DNAJC24: variants seen among roughly 807,000 people sequenced by gnomAD.
The protein encoded by DNAJC24 is dnaJ homolog subfamily C member 24.
DNAJC24 carries 17 observed loss-of-function variants against 18.0 expected under a neutral mutation model. The ratio of observed to expected loss-of-function variants is 0.94; its 90% CI spans 0.65 to 1.42. The LOEUF is 1.42. DNAJC24 is among the 40% of genes most tolerant of loss of function. The pLI is 0.00. For synonymous variants in DNAJC24, 55 were observed against 57.7 expected (o/e 0.95, Z 0.21); for missense variants, 158 against 175.6 (o/e 0.90, Z 0.57).
chr11:31,418,007 A>G (rs758634359), intron 3 of DNAJC24, among the ~76,000 whole-genome samples: 3 of 152,068 alleles, frequency 2.0e-5, no homozygotes, highest in Non-Finnish European at 2.9e-5. Flanking sequence ...CTATATGCTT[A>G]GTTGACATTT....
At chr11:31,377,443 T>A (rs1467395985) in intron 2 of DNAJC24, among the ~76,000 whole-genome samples, 1 of 152,092 alleles carries the variant, frequency 6.6e-6, no homozygotes, top group Non-Finnish European at 1.5e-5. Flanking sequence ...ATTATAGACA[T>A]ACATATTGGC....
intron 2 of DNAJC24, among the ~76,000 whole-genome samples, chr11:31,378,897 T>C (rs1952346656): frequency 6.6e-6 from 1 of 152,112 alleles, no homozygotes; most frequent in African/African-American, 2.4e-5. Context: ...CCCCAATTCT[T>C]GAGGAATGTA....
chr11:31,426,107 T>C (rs1208363309), intron 3 of DNAJC24, among the ~76,000 whole-genome samples, 180 bp from the exon 4 acceptor site: 1 of 152,216 alleles, frequency 6.6e-6, no homozygotes, highest in Non-Finnish European at 1.5e-5. Context: ...GTTCTAGATT[T>C]TTCAGTCAGC....
At chr11:31,417,129 C>G (rs1482893818) in intron 3 of DNAJC24, 1 of 151,942 alleles carries the variant, frequency 6.6e-6, no homozygotes, top group Non-Finnish European at 1.5e-5. Flanking sequence ...GACAGCTTTT[C>G]ATGACACTTT....
At position 31,396,298 on chromosome 11, in the gene DNAJC24, G is replaced by T. The variant is rs546376296; in HGVS notation, c.112-18513G>T. On this transcript the variant is annotated intron_variant, in intron 2 of 4. Coordinates refer to ENST00000465995, the MANE Select transcript of DNAJC24 (RefSeq NM_181706.5). ...TCTTTTCCAGGATCTATTCCTCTAT[G>T]TGATATAAATGTCACTGTGCTTCTG... 8.8e-5 allele frequency: 40 copies of T among 454,524 alleles called. No homozygotes were observed. The East Asian group carries it at 2.7e-3, about 31-fold the overall frequency. The allele number at this position is 454,524 out of a possible 1,614,324, so 28.2% of individuals were successfully genotyped here.
At chr11:31,375,776 A>G (rs1952307618) in intron 2 of DNAJC24, among the ~76,000 whole-genome samples, 1 of 135,406 alleles carries the variant, frequency 7.4e-6, no homozygotes, top group Admixed American at 7.5e-5. Flanking sequence ...GAAGTAGAAG[A>G]CAAAGTTATC....
chr11:31,421,317 T>C (rs946516347), intron 3 of DNAJC24, among the ~76,000 whole-genome samples: 5 of 152,204 alleles, frequency 3.3e-5, no homozygotes, highest in Non-Finnish European at 1.5e-5. Context: ...GATACTGAAT[T>C]AGACCTAAAG....
intron 2 of DNAJC24, among the ~76,000 whole-genome samples, chr11:31,397,388 AG>A (rs1210327787): frequency 3.3e-5 from 5 of 152,214 alleles, no homozygotes; most frequent in Non-Finnish European, 7.4e-5. Context: ...CTTGCATAAA[AG>A]ATCAATGAAT....
chr11:31,373,982 A>T (rs1335867288), intron 2 of DNAJC24: 1 of 238,542 alleles, frequency 4.2e-6, no homozygotes, highest in African/African-American at 2.2e-5. Flanking sequence ...TAATTTTCAT[A>T]GCTATTTTTG....
intron 2 of DNAJC24, among the ~76,000 whole-genome samples, chr11:31,394,336 A>G (rs1298377984): frequency 6.6e-6 from 1 of 152,180 alleles, no homozygotes; most frequent in Non-Finnish European, 1.5e-5. Flanking sequence ...ATGTCAAGTG[A>G]CTCAAGTTTT....
chr11:31,390,603 G>A (rs1363493906), intron 2 of DNAJC24, among the ~76,000 whole-genome samples: 1 of 151,060 alleles, frequency 6.6e-6, no homozygotes. Context: ...CTACATGGGA[G>A]GCTGAGGCAG....
intron 2 of DNAJC24, among the ~76,000 whole-genome samples, chr11:31,406,052 A>G (rs1309929788): frequency 6.7e-6 from 1 of 149,518 alleles, no homozygotes; most frequent in Non-Finnish European, 1.5e-5. Flanking sequence ...GAAATTTAAC[A>G]TGAGTTTTGG....
chr11:31,423,992 T>C (rs1223556619), intron 3 of DNAJC24, among the ~76,000 whole-genome samples: 3 of 152,130 alleles, frequency 2.0e-5, no homozygotes, highest in African/African-American at 4.8e-5. Context: ...AGCCACTTTT[T>C]TGAGTAAGTA....
rs1000401802 is a variant in DNAJC24, at chr11:31,379,477, C to T, written c.111+8618C>T. Among the ~76,000 whole-genome samples, 3 of 152,290 alleles carry T rather than the reference C, an allele frequency of 2.0e-5. No individual in the cohort carries two copies. In the Middle Eastern group the frequency reaches 0.01, roughly 518 times the overall value. The stretch of plus-strand genomic sequence containing the variant: ...CAAAAAGGTTGGGGACCGCTGCTCT[C>T]GCTGACCCACCAAGTCTGAGAATTT... On this transcript the variant is annotated intron_variant, in intron 2 of 4. Coordinates refer to ENST00000465995, the MANE Select transcript of DNAJC24 (RefSeq NM_181706.5).
intron 3 of DNAJC24, chr11:31,422,077 T>C (rs1357181440): frequency 1.7e-5 from 6 of 342,958 alleles, no homozygotes; most frequent in East Asian, 2.0e-4. Flanking sequence ...ACAAATCCAA[T>C]AGAACACAAG....
rs1352331161 is a variant in DNAJC24 at position 31,369,895 on chromosome 11, G to A, written c.-51G>A. ...GACAGCAGGCGAGGAGTGGGTAGCA[G>A]CGCCTATGTGAAGTTAGGTAGGTCT... On this transcript the variant is annotated 5_prime_UTR_variant, in exon 1 of 5. Coordinates refer to ENST00000465995, the MANE Select transcript of DNAJC24 (RefSeq NM_181706.5). 6.5e-6 allele frequency: 1 copy of A among 152,678 alleles called. No homozygotes were observed. The highest frequency in any genetic ancestry group is 1.5e-5 in the Non-Finnish European group (1 of 68,096). 9.5% of individuals were successfully genotyped at this position (152,678 alleles called of 1,614,324 possible). A position where few individuals can be genotyped will look rare whatever the true frequency, so the allele number is the denominator to read the frequency against.
At chr11:31,427,600 TACAC>T (rs1438008797) in intron 4 of DNAJC24, 1 of 152,122 alleles carries the variant, frequency 6.6e-6, no homozygotes, top group Non-Finnish European at 1.5e-5. Flanking sequence ...TTTTGCCAAA[TACAC>T]AAACTTCAAG....
intron 2 of DNAJC24, among the ~76,000 whole-genome samples, chr11:31,401,571 T>G (rs991669039): frequency 4.6e-5 from 7 of 152,018 alleles, no homozygotes; most frequent in Admixed American, 6.6e-5. Context: ...CTCTTTTGCT[T>G]CTTCTTCTTG....
At chr11:31,420,758 A>T (rs912000715) in intron 3 of DNAJC24, among the ~76,000 whole-genome samples, 2 of 152,116 alleles carry the variant, frequency 1.3e-5, no homozygotes, top group African/African-American at 4.8e-5. Flanking sequence ...TCGGGGGGGA[A>T]TTCAAAGCCA....
Sources: gnomAD v4.1 joint callset for allele counts (sites outside exome capture counted in the v4.1 genomes callset) on GRCh38, gnomAD v4.1.1 for gene constraint, MANE v1.5 for transcripts, NCBI Gene and HGNC (gene_info 2026-07-23, HGNC 2026-07-21) for gene names.